ZRANB1: variants seen among roughly 807,000 people sequenced by gnomAD.
ZRANB1 encodes the protein zinc finger RANBP2-type containing 1.
ZRANB1 carries 16 observed loss-of-function variants against 80.5 expected under a neutral mutation model. The ratio of observed to expected loss-of-function variants is 0.20; its 90% CI spans 0.13 to 0.30. The LOEUF (loss-of-function observed/expected upper bound fraction) is 0.30, where lower values mean the gene tolerates loss of function less well. ZRANB1 is among the 10% of genes least tolerant of loss of function. The probability of loss-of-function intolerance (pLI) is 1.00; values close to 1 mark genes in which losing one functional copy is unlikely to be tolerated. For synonymous variants in ZRANB1, 291 were observed against 293.1 expected, an observed-to-expected ratio of 0.99 and a Z score of 0.07; for missense variants, 576 against 862.6, an observed-to-expected ratio of 0.67 and a Z score of 4.16.
chr10:124,919,951 A>C, the ZRANB1 span, among the ~76,000 whole-genome samples: 1 of 88,456 alleles, frequency 1.1e-5, no homozygotes, highest in Non-Finnish European at 2.0e-5. Flanking sequence ...TTGTCTCATC[A>C]CTGTGTTGCC....
At chr10:124,927,188 CT>C in the ZRANB1 span, among the ~76,000 whole-genome samples, 1 of 152,322 alleles carries the variant, frequency 6.6e-6, no homozygotes. Context: ...ATCTCCTGAT[CT>C]CGTGATCCGC....
At position 124,985,973 on chromosome 10, in the gene ZRANB1, C is replaced by T. The variant is rs1268681606; in HGVS notation, c.*981C>T. On this transcript the variant is annotated 3_prime_UTR_variant, in exon 9 of 9. Coordinates refer to ENST00000359653, the MANE Select transcript of ZRANB1 (RefSeq NM_017580.3). ...CTTAGGCAGATTGGGAATACCAATT[C>T]ACTACAGAATAAAGATTTTAAAAAT... The T allele has an allele frequency of 1.3e-5, 2 of 152,258 alleles. No homozygotes were observed. The highest frequency in any genetic ancestry group is 2.9e-5 in the Non-Finnish European group (2 of 68,040). The allele number at this position is 152,258 out of a possible 1,614,324, so 9.4% of individuals were successfully genotyped here.
intron 1 of ZRANB1, among the ~76,000 whole-genome samples, chr10:124,944,311 T>A (rs1049613835): frequency 6.6e-6 from 1 of 152,192 alleles, no homozygotes; most frequent in Admixed American, 6.5e-5. Context: ...TGTGGAACAA[T>A]AGCTAAGCTT....
At chr10:124,946,657 T>TGTTATAC (rs1052718019) in intron 1 of ZRANB1, among the ~76,000 whole-genome samples, 1 of 152,204 alleles carries the variant, frequency 6.6e-6, no homozygotes, top group African/African-American at 2.4e-5. Flanking sequence ...CATTCTGAAC[T>TGTTATAC]GTTATACGTA....
At chr10:124,973,848 G>T (rs1951849186) in intron 4 of ZRANB1, 132 bp downstream of exon 4, 3 of 794,192 alleles carry the variant, frequency 3.8e-6, no homozygotes, top group Non-Finnish European at 6.0e-6. Context: ...GTAAAGTCCT[G>T]AAGTTCAGTG....
chr10:124,944,362 T>G (rs758972604), intron 1 of ZRANB1, among the ~76,000 whole-genome samples: 10 of 152,224 alleles, frequency 6.6e-5, no homozygotes, highest in Non-Finnish European at 1.5e-4. Flanking sequence ...AGTACCAATT[T>G]CTTTTATTTA....
the ZRANB1 span, among the ~76,000 whole-genome samples, chr10:124,923,295 AAAAAC>A: frequency 2.0e-5 from 3 of 149,688 alleles, no homozygotes; most frequent in African/African-American, 5.1e-5. Flanking sequence ...AACAAACAAA[AAAAAC>A]AAACTAGCTG....
upstream of ZRANB1, among the ~76,000 whole-genome samples, chr10:124,938,911 T>G (rs1951511286): frequency 6.6e-6 from 1 of 152,034 alleles, no homozygotes; most frequent in Non-Finnish European, 1.5e-5. Context: ...GCATAGTGGC[T>G]CGCGCCTGTA....
chr10:124,967,297 A>G (rs149389822), intron 2 of ZRANB1, among the ~76,000 whole-genome samples: 3 of 152,336 alleles, frequency 2.0e-5, no homozygotes, highest in African/African-American at 7.2e-5. Context: ...AGAAAGAGTT[A>G]GGAGTTAGCC....
intron 2 of ZRANB1, 28 bp from the exon 3 acceptor site, chr10:124,971,937 T>C: frequency 1.3e-6 from 2 of 1,540,870 alleles, no homozygotes; most frequent in Non-Finnish European, 1.7e-6. Context: ...ATACATGAGA[T>C]GAGAGGAAGG....
the ZRANB1 span, among the ~76,000 whole-genome samples, chr10:124,919,908 G>GGCC: frequency 7.1e-5 from 4 of 56,682 alleles, no homozygotes; most frequent in Non-Finnish European, 8.8e-5. Context: ...ACCGCGCCCG[G>GGCC]CCCCCCCCCC....
chr10:124,971,442 G>T (rs1393615468), intron 2 of ZRANB1, among the ~76,000 whole-genome samples: 1 of 152,202 alleles, frequency 6.6e-6, no homozygotes, highest in Non-Finnish European at 1.5e-5. Flanking sequence ...AAACTCAAGA[G>T]TGGTAACAAA....
the ZRANB1 span, among the ~76,000 whole-genome samples, chr10:124,917,450 C>T: frequency 2.0e-5 from 3 of 151,800 alleles, no homozygotes; most frequent in African/African-American, 7.2e-5. Flanking sequence ...CCATCTTGGG[C>T]GCTCCGGTTG....
chr10:124,942,383 A>G lies in ZRANB1; in HGVS notation c.-111A>G. ...AAATTTATATTTTGTAGGTTGAAGG[A>G]CTTGCTTTTTGGGCAGCGTATTTTT... On this transcript the variant is annotated 5_prime_UTR_variant, in exon 1 of 9. Coordinates refer to ENST00000359653, the MANE Select transcript of ZRANB1 (RefSeq NM_017580.3). 2.6e-6 allele frequency: 4 copies of G among 1,509,852 alleles called. No individual in the cohort carries two copies. The highest frequency in any genetic ancestry group is 3.5e-6 in the Non-Finnish European group (4 of 1,132,242). The allele number at this position is 1,509,852 out of a possible 1,614,324, so 93.5% of individuals were successfully genotyped here.
chr10:124,917,701 G>A, the ZRANB1 span, among the ~76,000 whole-genome samples: 9 of 152,208 alleles, frequency 5.9e-5, no homozygotes, highest in African/African-American at 1.9e-4. Context: ...TTGTATTTCA[G>A]TCCCTCGGCC....
intron 1 of ZRANB1, among the ~76,000 whole-genome samples, chr10:124,951,457 C>T (rs1238622832): frequency 6.6e-6 from 1 of 152,144 alleles, no homozygotes; most frequent in Non-Finnish European, 1.5e-5. Context: ...TTGCATTGGA[C>T]ACTGGTGATT....
At chr10:124,970,835 T>TTG (rs1491032471) in intron 2 of ZRANB1, among the ~76,000 whole-genome samples, 1 of 72,374 alleles carries the variant, frequency 1.4e-5, no homozygotes, top group African/African-American at 6.9e-5. Flanking sequence ...TCTTTGGGGT[T>TTG]TTTTTTTTTT....
chr10:124,942,091 C>G, upstream of ZRANB1: 8 of 1,002,970 alleles, frequency 8.0e-6, no homozygotes, highest in Non-Finnish European at 9.6e-6. Context: ...ACCTTTGTCT[C>G]TTTAAACTAT....
chr10:124,963,265 CAAAAAAAAAAAA>C (rs397844792), intron 1 of ZRANB1, among the ~76,000 whole-genome samples: 1 of 62,370 alleles, frequency 1.6e-5, no homozygotes, highest in Non-Finnish European at 3.4e-5. Flanking sequence ...GACTCTGTCT[CAAAAAAAAAAAA>C]AAAAAAAAAA....
Sources: allele counts gnomAD v4.1 joint callset (sites outside exome capture counted in the v4.1 genomes callset), GRCh38; gene constraint gnomAD v4.1.1; transcripts MANE v1.5; gene names NCBI Gene and HGNC (gene_info 2026-07-23, HGNC 2026-07-21).